ADAM2: variants seen among roughly 807,000 people sequenced by gnomAD.
The protein encoded by ADAM2 is ADAM metallopeptidase domain 2.
A neutral mutation model predicts 99.3 loss-of-function variants in ADAM2; 101 were observed. That is an observed-to-expected ratio of 1.02 (90% confidence interval 0.87 to 1.20). The LOEUF is 1.20. Among genes scored for constraint, ADAM2 ranks in the 50% most tolerant of loss-of-function variants. ADAM2 has a pLI of 0.00. For missense variants in ADAM2, 948 were observed against 878.7 expected, an observed-to-expected ratio of 1.08 and a Z score of -1.00; for synonymous variants, 323 against 287.6, an observed-to-expected ratio of 1.12 and a Z score of -1.25.
At chr8:39,785,797 A>G (rs1031527189) in intron 10 of ADAM2, among the ~76,000 whole-genome samples, 3 of 31,234 alleles carry the variant, frequency 9.6e-5, no homozygotes, top group Non-Finnish European at 1.9e-4. Context: ...TGTCTCAAAT[A>G]AAAAAAAAAA....
intron 17 of ADAM2, 26 bp from the exon 18 acceptor site, chr8:39,749,476 A>G: frequency 2.5e-6 from 4 of 1,598,348 alleles, no homozygotes; most frequent in Non-Finnish European, 3.4e-6. Context: ...ATATCACCTT[A>G]TAAGATAAGC....
intron 7 of ADAM2, among the ~76,000 whole-genome samples, chr8:39,798,329 G>C (rs1006850393): frequency 6.6e-6 from 1 of 152,204 alleles, no homozygotes; most frequent in African/African-American, 2.4e-5. Context: ...CTGTTTATGT[G>C]ATGGATTACA....
chr8:39,812,458 G>A (rs1374094535), intron 6 of ADAM2, among the ~76,000 whole-genome samples: 17 of 152,048 alleles, frequency 1.1e-4, no homozygotes, highest in Admixed American at 6.6e-4. Flanking sequence ...AAATGAGCCC[G>A]CATAGCCAAG....
chr8:39,760,458 A>T (rs962391029), intron 15 of ADAM2, among the ~76,000 whole-genome samples: 2 of 152,222 alleles, frequency 1.3e-5, no homozygotes, highest in Admixed American at 1.3e-4. Context: ...GCGGTGGCTC[A>T]CGCCTATAAT....
intron 10 of ADAM2, among the ~76,000 whole-genome samples, chr8:39,783,391 C>A (rs1471230942): frequency 1.3e-5 from 2 of 151,484 alleles, no homozygotes; most frequent in Non-Finnish European, 2.9e-5. Flanking sequence ...CCTCTTTTTC[C>A]TTTATTCTCT....
chr8:39,756,193 C>T (rs1802146340), intron 15 of ADAM2, among the ~76,000 whole-genome samples: 1 of 152,132 alleles, frequency 6.6e-6, no homozygotes, highest in South Asian at 2.1e-4. Context: ...CTAATATTCC[C>T]TAGTTAGCCT....
chr8:39,837,387 T>A (rs556378709), intron 1 of ADAM2, among the ~76,000 whole-genome samples, 175 bp from the exon 2 acceptor site: 1 of 152,058 alleles, frequency 6.6e-6, no homozygotes, highest in East Asian at 1.9e-4. Flanking sequence ...TTCTGTTTTT[T>A]TTTTTGTTTT....
At chr8:39,784,543 A>AT (rs1309255090) in intron 10 of ADAM2, among the ~76,000 whole-genome samples, 3 of 152,028 alleles carry the variant, frequency 2.0e-5, no homozygotes, top group Non-Finnish European at 1.5e-5. Context: ...GAATATTTAT[A>AT]TTTTTTTAAA....
At chr8:39,799,409 T>C (rs925516491) in intron 7 of ADAM2, among the ~76,000 whole-genome samples, 2 of 151,970 alleles carry the variant, frequency 1.3e-5, no homozygotes, top group African/African-American at 2.4e-5. Context: ...GAAACTGTTA[T>C]GATTTCAGTT....
At chr8:39,762,857 T>C (rs1046581146) in intron 14 of ADAM2, among the ~76,000 whole-genome samples, 9 of 152,254 alleles carry the variant, frequency 5.9e-5, no homozygotes, top group Admixed American at 6.5e-5. Context: ...ATAAAATATC[T>C]ATATACCTAT....
At chr8:39,780,009 C>A (rs190548800) in intron 10 of ADAM2, among the ~76,000 whole-genome samples, 8 of 151,886 alleles carry the variant, frequency 5.3e-5, no homozygotes, top group Non-Finnish European at 1.2e-4. Context: ...TCTCATGCTG[C>A]GGGTAAAGAC....
In ADAM2 at chr8:39,822,754, TTTG is replaced by T. The variant is rs1414946328; in HGVS notation, c.268-1095_268-1093del. ...TTGAGGATTTGAGGTCTGTTTTTTT[TTTG>T]TTTTGTTTTGTTTTTTGTTTTTTGC... is the stretch of plus-strand genomic sequence containing the variant. On this transcript the variant is annotated intron_variant, in intron 4 of 20. Coordinates refer to ENST00000265708, the MANE Select transcript of ADAM2 (RefSeq NM_001464.5). Among the ~76,000 whole-genome samples the T allele has an allele frequency of 2.6e-3, 399 of 152,084 alleles. 5 individuals carry two copies. The highest frequency in any genetic ancestry group is 6.1e-3 in the Admixed American group (93 of 15,254).
At chr8:39,804,891 T>C (rs1272412409) in intron 7 of ADAM2, among the ~76,000 whole-genome samples, 1 of 152,206 alleles carries the variant, frequency 6.6e-6, no homozygotes, top group African/African-American at 2.4e-5. Context: ...AGTATACTTC[T>C]TCTCTACTCC....
chr8:39,817,275 C>A (rs2129587744), intron 6 of ADAM2, among the ~76,000 whole-genome samples: 1 of 152,070 alleles, frequency 6.6e-6, no homozygotes, highest in South Asian at 2.1e-4. Context: ...ACCTTGGCAA[C>A]TAGAAAAGTT....
chr8:39,794,314 T>C (rs756845856), intron 7 of ADAM2, among the ~76,000 whole-genome samples: 6 of 152,190 alleles, frequency 3.9e-5, no homozygotes, highest in Non-Finnish European at 7.4e-5. Flanking sequence ...TTTATATAAA[T>C]GAAATATTCC....
rs1278044992 is a variant in ADAM2, at chr8:39,744,895, TG to T, written c.2175-3del. 7.5e-6 allele frequency: 12 copies of T among 1,596,946 alleles called. No homozygotes were observed. Among genetic ancestry groups the T allele is most frequent in the African/African-American group, 1.3e-5 (1 of 74,182 alleles). On this transcript the variant is annotated splice_polypyrimidine_tract_variant and splice_region_variant and intron_variant, in intron 19 of 20. Transcript: ENST00000265708. ...GGTTCACTCTCACTTTCAGGTTGCC[TG>T]CATATTAAAAATAAAAATAATATTA...
chr8:39,836,064 G>A (rs1333207590), intron 2 of ADAM2, among the ~76,000 whole-genome samples: 2 of 152,006 alleles, frequency 1.3e-5, no homozygotes, highest in African/African-American at 2.4e-5. Flanking sequence ...ATTTACAAAT[G>A]AGAAAATAAT....
intron 4 of ADAM2, among the ~76,000 whole-genome samples, 170 bp downstream of exon 4, chr8:39,824,649 G>A (rs935558240): frequency 2.6e-5 from 4 of 152,236 alleles, no homozygotes; most frequent in Admixed American, 1.3e-4. Flanking sequence ...TTAATCATCT[G>A]TTTAATAGGG....
Position 39,755,734 on chromosome 8 carries a change from T to C in ADAM2, c.1791A>G (p.Ser597=), listed in dbSNP as rs1415512467. 9 of 1,610,732 alleles carry C rather than the reference T, an allele frequency of 5.6e-6. No homozygotes were observed. Among genetic ancestry groups the C allele is most frequent in the Non-Finnish European group, 6.8e-6 (8 of 1,178,682 alleles). Residue 597 remains serine (S), a synonymous_variant, in exon 16 of 21, where the codon TCA becomes TCG. Transcript: ENST00000265708. Reference sequence around the variant, plus strand: ...GGAATAAAAGACTACCTACCTTATTTGAACCACAAGAAGTTCCATCTTTTA... The same window carrying C: ...GGAATAAAAGACTACCTACCTTATTCGAACCACAAGAAGTTCCATCTTTTA... ...MWIKDGTSCG[S]NKVCRNQRCV...
Sources: allele counts gnomAD v4.1 joint callset (sites outside exome capture counted in the v4.1 genomes callset), GRCh38; gene constraint gnomAD v4.1.1; transcripts MANE v1.5; gene names NCBI Gene and HGNC (gene_info 2026-07-23, HGNC 2026-07-21).